The following CDC42 variants were observed in gnomAD, a reference collection of about 807,000 sequenced individuals.
CDC42 encodes the protein cell division cycle 42.
A neutral mutation model predicts 20.8 loss-of-function variants in CDC42; 1 was observed. The ratio of observed to expected loss-of-function variants is 0.05; its 90% CI spans 0.02 to 0.23. The LOEUF is 0.23. Ranked by LOEUF, CDC42 falls within the 10% of genes least tolerant of loss-of-function variation. The pLI is 1.00. For missense variants in CDC42, 49 were observed against 227.9 expected (o/e 0.21, Z 5.05); for synonymous variants, 72 against 84.8 (o/e 0.85, Z 0.83).
rs1216588169 is a variant in CDC42 at position 22,094,931 on chromosome 1, G to C, written c.*3414G>C. On this transcript the variant is annotated 3_prime_UTR_variant, in exon 6 of 6. Transcript: ENST00000656825. ...CTATTTTCCTTTTCTTCTTCCATTT[G>C]TGAGGTAAATTAGTGGTTATTTTGG... 6.6e-6 allele frequency among the ~76,000 whole-genome samples: 1 copy of C among 152,138 alleles called. No individual in the cohort carries two copies. The highest frequency in any genetic ancestry group is 2.4e-5 in the African/African-American group (1 of 41,430).
chr1:22,081,236 C>T (rs114365470), intron 2 of CDC42, among the ~76,000 whole-genome samples: 1,781 of 152,196 alleles, frequency 0.012, 45 homozygotes, highest in African/African-American at 0.04. Flanking sequence ...TTGAGGGAAC[C>T]GTTATTTCTC....
intron 1 of CDC42, among the ~76,000 whole-genome samples, chr1:22,072,114 T>TTG (rs1645499124): frequency 1.3e-5 from 1 of 74,460 alleles, no homozygotes; most frequent in Non-Finnish European, 3.1e-5. Context: ...TTTTTTTTTT[T>TTG]TGGGATGGAG....
intron 3 of CDC42, among the ~76,000 whole-genome samples, chr1:22,084,288 C>T (rs1234652752): frequency 4.9e-5 from 7 of 142,216 alleles, no homozygotes; most frequent in Non-Finnish European, 9.0e-5. Flanking sequence ...ACCAACAGTA[C>T]GTGGGGTTTG....
intron 1 of CDC42, among the ~76,000 whole-genome samples, chr1:22,059,863 GATTGA>G (rs1328385816): frequency 6.8e-6 from 1 of 146,854 alleles, no homozygotes; most frequent in African/African-American, 2.5e-5. Context: ...TCAAGGGCCA[GATTGA>G]ATTTATTTCT....
intron 5 of CDC42, chr1:22,090,748 A>G (rs539730394): frequency 1.0e-6 from 1 of 984,958 alleles, no homozygotes; most frequent in African/African-American, 1.7e-5. Flanking sequence ...TGTGAGGGAA[A>G]TATACAATTG....
intron 1 of CDC42, among the ~76,000 whole-genome samples, chr1:22,064,714 C>T (rs1645402755): frequency 6.7e-6 from 1 of 148,704 alleles, no homozygotes; most frequent in Non-Finnish European, 1.5e-5. Flanking sequence ...GAGAGTCTCA[C>T]TCTGTTGCCC....
intron 5 of CDC42, among the ~76,000 whole-genome samples, chr1:22,087,412 C>A (rs1159021232): frequency 6.6e-6 from 1 of 152,096 alleles, no homozygotes; most frequent in Non-Finnish European, 1.5e-5. Context: ...GTATTCCTTC[C>A]TCATGCATTC....
chr1:22,078,416 A>C lies in CDC42; in HGVS notation c.-50-13A>C, dbSNP rs1645574068. ...TAAGTATAAATAAACAAATGTCTTT[A>C]ATCTTTTTGCAGGTCATCATCAGAT... On this transcript the variant is annotated splice_polypyrimidine_tract_variant and intron_variant, in intron 1 of 5. Coordinates refer to ENST00000656825, the MANE Select transcript of CDC42 (RefSeq NM_001791.4). 4.0e-6 allele frequency: 5 copies of C among 1,247,868 alleles called. No homozygotes were observed. Among genetic ancestry groups the C allele is most frequent in the South Asian group, 1.3e-5 (1 of 77,674 alleles). 77.3% of individuals were successfully genotyped at this position (1,247,868 alleles called of 1,614,324 possible). A position where few individuals can be genotyped will look rare whatever the true frequency, so the allele number is the denominator to read the frequency against.
rs1196357391 is a variant in CDC42, at chr1:22,054,947, T to A, written c.-51+2205T>A. Among the ~76,000 whole-genome samples, 105 of 48,912 alleles carry A rather than the reference T, an allele frequency of 2.1e-3. 4 individuals carry two copies. The highest frequency in any genetic ancestry group is 3.2e-3 in the Non-Finnish European group (85 of 26,394). The allele number at this position is 48,912 out of a possible 152,430, so 32.1% of individuals were successfully genotyped here. A position where few individuals can be genotyped will look rare whatever the true frequency, so the allele number is the denominator to read the frequency against. On this transcript the variant is annotated intron_variant, in intron 1 of 5. Coordinates refer to ENST00000656825, the MANE Select transcript of CDC42 (RefSeq NM_001791.4). ...TTTTTTTTTTTTTTTTTTTTTTTTTTTTTTTTTTTTTTTTTTTTTTTTTTG... is the reference window on the plus strand; with the variant it reads ...TTTTTTTTTTTTTTTTTTTTTTTTTATTTTTTTTTTTTTTTTTTTTTTTTG...
chr1:22,053,907 T>G (rs1645266398), intron 1 of CDC42, among the ~76,000 whole-genome samples: 1 of 152,176 alleles, frequency 6.6e-6, no homozygotes, highest in Non-Finnish European at 1.5e-5. Context: ...TTGCGTGGCA[T>G]TAACTTTAAA....
chr1:22,064,535 C>T (rs17837956), intron 1 of CDC42, among the ~76,000 whole-genome samples: 72 of 152,218 alleles, frequency 4.7e-4, no homozygotes, highest in African/African-American at 1.6e-3. Context: ...AGAAGATCTG[C>T]CTGCCTCGGC....
Position 22,097,499 on chromosome 1 carries a change from C to A in CDC42, c.*5982C>A, listed in dbSNP as rs1645765638. 6.6e-6 allele frequency among the ~76,000 whole-genome samples: 1 copy of A among 152,260 alleles called. No homozygotes were observed. Among genetic ancestry groups the A allele is most frequent in the Non-Finnish European group, 1.5e-5 (1 of 68,042 alleles). On this transcript the variant is annotated 3_prime_UTR_variant, in exon 6 of 6. Coordinates refer to ENST00000656825, the MANE Select transcript of CDC42 (RefSeq NM_001791.4). ...TCAGGTGATCCGCCCGTTGCGGCCT[C>A]CCTAAGTGCTGGGATTATAGGCGTG...
Position 22,091,424 on chromosome 1 carries a change from T to G in CDC42, c.487-4T>G, listed in dbSNP as rs776733380. ...GCCCATTTTTTCTTTCTACCCCTTT[T>G]CAGAAAGGCCTAAAGAATGTATTTG... On this transcript the variant is annotated splice_region_variant and splice_polypyrimidine_tract_variant and intron_variant, in intron 5 of 5. Coordinates refer to ENST00000656825, the MANE Select transcript of CDC42 (RefSeq NM_001791.4). 6.2e-7 allele frequency: 1 copy of G among 1,602,860 alleles called. No individual in the cohort carries two copies. Among genetic ancestry groups the G allele is most frequent in the South Asian group, 1.1e-5 (1 of 89,386 alleles).
chr1:22,086,660 T>A lies in CDC42; in HGVS notation c.289-9T>A, dbSNP rs757430755. On this transcript the variant is annotated splice_polypyrimidine_tract_variant and intron_variant, in intron 4 of 5. Coordinates refer to ENST00000656825, the MANE Select transcript of CDC42 (RefSeq NM_001791.4). ...TAACAAAGGTGTATTTTAAAATACC[T>A]TTTTTTAGTGGGTGCCTGAGATAAC... is the stretch of plus-strand genomic sequence containing the variant. 9.3e-6 allele frequency: 15 copies of A among 1,611,004 alleles called. No individual in the cohort carries two copies. The South Asian group carries it at 1.6e-4, about 18-fold the overall frequency.
chr1:22,054,127 T>G (rs1645268813), intron 1 of CDC42, among the ~76,000 whole-genome samples: 1 of 152,028 alleles, frequency 6.6e-6, no homozygotes, highest in South Asian at 2.1e-4. Context: ...CATTTTAGTT[T>G]TGTTATTAAA....
rs780658203 is a variant in CDC42, at chr1:22,100,026, C to CTTTTTTTT, written c.*8511_*8512insTTTTTTTT. On this transcript the variant is annotated 3_prime_UTR_variant, in exon 6 of 6. Coordinates refer to ENST00000656825, the MANE Select transcript of CDC42 (RefSeq NM_001791.4). ...CCTTTTTTTCTTTCTTCTTCTTCTT[C>CTTTTTTTT]TTCTTTTTTTTTTTTTTTGTATAAT... Among the ~76,000 whole-genome samples the CTTTTTTTT allele has an allele frequency of 8.7e-5, 5 of 57,584 alleles. 2 individuals carry two copies. The highest frequency in any genetic ancestry group is 6.8e-5 in the Non-Finnish European group (2 of 29,440). The allele number at this position is 57,584 out of a possible 152,430, so 37.8% of individuals were successfully genotyped here.
At chr1:22,067,002 G>T (rs1374897930) in intron 1 of CDC42, among the ~76,000 whole-genome samples, 1 of 152,216 alleles carries the variant, frequency 6.6e-6, no homozygotes, top group Admixed American at 6.5e-5. Context: ...GGCGGAGGTT[G>T]TGGTGAGCAG....
intron 1 of CDC42, among the ~76,000 whole-genome samples, chr1:22,056,176 A>T (rs764497797): frequency 1.2e-4 from 19 of 152,216 alleles, no homozygotes; most frequent in Non-Finnish European, 2.5e-4. Context: ...TTTTAAGTGA[A>T]TGAATTTGAT....
chr1:22,070,110 A>G (rs115731249), intron 1 of CDC42, among the ~76,000 whole-genome samples: 1,681 of 152,292 alleles, frequency 0.011, 29 homozygotes, highest in African/African-American at 0.038. Flanking sequence ...TTTCTAAGCA[A>G]TGTTGTATTC....
Sources: gnomAD v4.1 joint callset for allele counts (sites outside exome capture counted in the v4.1 genomes callset) on GRCh38, gnomAD v4.1.1 for gene constraint, MANE v1.5 for transcripts, NCBI Gene and HGNC (gene_info 2026-07-23, HGNC 2026-07-21) for gene names.